The following ARHGAP15 variants were observed in gnomAD, a reference collection of about 807,000 sequenced individuals.
ARHGAP15 encodes the protein rho GTPase-activating protein 15.
In ARHGAP15, 51 loss-of-function variants were observed where a neutral mutation model predicts 63.7. The observed-to-expected ratio is 0.80, with a 90% CI of 0.64 to 1.01. The LOEUF (loss-of-function observed/expected upper bound fraction) is 1.01, where lower values mean the gene tolerates loss of function less well. ARHGAP15 is among the 50% of genes least tolerant of loss of function. The pLI is 0.00. For synonymous variants in ARHGAP15, 191 were observed against 193.8 expected (o/e 0.99, Z 0.12); for missense variants, 560 against 564.6 (o/e 0.99, Z 0.08).
At chr2:143,153,873 T>TTCCTCCTCCTCC (rs372991318) in intron 1 of ARHGAP15, among the ~76,000 whole-genome samples, 5 of 46,838 alleles carry the variant, frequency 1.1e-4, no homozygotes, top group Non-Finnish European at 1.5e-4. Flanking sequence ...CCTCCTCCTC[T>TTCCTCCTCCTCC]TCCTCCTCCT....
At chr2:143,417,240 T>C (rs1411412774) in intron 6 of ARHGAP15, among the ~76,000 whole-genome samples, 1 of 152,126 alleles carries the variant, frequency 6.6e-6, no homozygotes, top group Non-Finnish European at 1.5e-5. Flanking sequence ...TTGTCACATT[T>C]TCTAATTGCA....
At chr2:143,763,882 A>T (rs1031706275) in intron 13 of ARHGAP15, among the ~76,000 whole-genome samples, 1 of 150,582 alleles carries the variant, frequency 6.6e-6, no homozygotes, top group African/African-American at 2.4e-5. Context: ...ATATAATACT[A>T]TATCTAACTT....
intron 8 of ARHGAP15, among the ~76,000 whole-genome samples, chr2:143,446,010 T>C (rs1690121212): frequency 1.3e-5 from 2 of 151,930 alleles, no homozygotes; most frequent in African/African-American, 4.8e-5. Context: ...CAAAAGGTTG[T>C]ATGAGATTGT....
intron 8 of ARHGAP15, among the ~76,000 whole-genome samples, chr2:143,485,199 C>A (rs1463117529): frequency 6.6e-6 from 1 of 152,110 alleles, no homozygotes; most frequent in Non-Finnish European, 1.5e-5. Flanking sequence ...AGGTTTCAAG[C>A]CCCACATGCA....
intron 6 of ARHGAP15, among the ~76,000 whole-genome samples, chr2:143,365,995 A>G (rs1004002955): frequency 8.5e-5 from 13 of 152,148 alleles, no homozygotes; most frequent in South Asian, 2.1e-4. Context: ...CAGCTCCTAT[A>G]TATTCTAAAA....
chr2:143,333,949 C>CA (rs1361195091), intron 6 of ARHGAP15, among the ~76,000 whole-genome samples: 2 of 152,102 alleles, frequency 1.3e-5, no homozygotes, highest in African/African-American at 4.8e-5. Context: ...AGGGAAAGAA[C>CA]AAAGGCACCA....
At chr2:143,600,224 G>A (rs1270522900) in intron 11 of ARHGAP15, among the ~76,000 whole-genome samples, 1 of 152,028 alleles carries the variant, frequency 6.6e-6, no homozygotes, top group African/African-American at 2.4e-5. Flanking sequence ...ACAGACTTTT[G>A]CATGTTATGC....
chr2:143,149,182 G>C (rs1689714624), intron 1 of ARHGAP15, among the ~76,000 whole-genome samples: 1 of 152,036 alleles, frequency 6.6e-6, no homozygotes, highest in Non-Finnish European at 1.5e-5. Flanking sequence ...AATACATGTA[G>C]AGCAGGGAAT....
intron 11 of ARHGAP15, among the ~76,000 whole-genome samples, chr2:143,596,713 T>C (rs938097064): frequency 6.6e-6 from 1 of 152,154 alleles, no homozygotes; most frequent in Admixed American, 6.6e-5. Flanking sequence ...AGTCAGTGCT[T>C]TAGAATAGTC....
chr2:143,208,343 C>T (rs2105127396), intron 3 of ARHGAP15, among the ~76,000 whole-genome samples: 2 of 152,282 alleles, frequency 1.3e-5, no homozygotes, highest in Middle Eastern at 3.4e-3. Flanking sequence ...AAAATGAAAT[C>T]TGCCATTTTG....
intron 12 of ARHGAP15, among the ~76,000 whole-genome samples, chr2:143,673,513 G>A (rs1363710008): frequency 6.6e-6 from 1 of 151,378 alleles, no homozygotes; most frequent in East Asian, 1.9e-4. Context: ...GGCCAGGCTG[G>A]TCTCGAACCC....
At chr2:143,398,793 G>A (rs1202669327) in intron 6 of ARHGAP15, among the ~76,000 whole-genome samples, 1 of 145,896 alleles carries the variant, frequency 6.9e-6, no homozygotes, top group Non-Finnish European at 1.5e-5. Context: ...TTTTTGAAAT[G>A]GTTTCTGGCA....
At chr2:143,190,596 T>C (rs1370892762) in intron 2 of ARHGAP15, among the ~76,000 whole-genome samples, 2 of 152,132 alleles carry the variant, frequency 1.3e-5, no homozygotes, top group Non-Finnish European at 2.9e-5. Flanking sequence ...CCTTGTTTAA[T>C]TTTGTCTCAT....
intron 13 of ARHGAP15, among the ~76,000 whole-genome samples, chr2:143,756,206 T>C (rs1318905160): frequency 6.6e-6 from 1 of 152,194 alleles, no homozygotes; most frequent in Non-Finnish European, 1.5e-5. Context: ...GAGGAATACT[T>C]TGCATACTGA....
intron 13 of ARHGAP15, among the ~76,000 whole-genome samples, chr2:143,705,760 TAAAG>T (rs976119855): frequency 1.3e-5 from 2 of 151,994 alleles, no homozygotes; most frequent in African/African-American, 4.8e-5. Context: ...AGCTATAAAA[TAAAG>T]AAACTAAGAG....
chr2:143,655,384 T>C (rs562974617), intron 12 of ARHGAP15, among the ~76,000 whole-genome samples: 3 of 147,256 alleles, frequency 2.0e-5, no homozygotes, highest in Non-Finnish European at 4.5e-5. Context: ...TCAGGTAAAC[T>C]TGGGTTTGAA....
chr2:143,566,882 C>T (rs1696247770), intron 11 of ARHGAP15, among the ~76,000 whole-genome samples: 1 of 143,076 alleles, frequency 7.0e-6, no homozygotes, highest in African/African-American at 2.8e-5. Flanking sequence ...TCTAAAACTG[C>T]CTTGCTGCTG....
chr2:143,432,327 A>C (rs918794175), intron 6 of ARHGAP15, among the ~76,000 whole-genome samples: 3 of 152,128 alleles, frequency 2.0e-5, no homozygotes, highest in Non-Finnish European at 4.4e-5. Flanking sequence ...GCCAGAATGA[A>C]TATTGATGAG....
At chr2:143,395,123 T>A (rs1185212237) in intron 6 of ARHGAP15, among the ~76,000 whole-genome samples, 1 of 152,158 alleles carries the variant, frequency 6.6e-6, no homozygotes, top group Non-Finnish European at 1.5e-5. Flanking sequence ...ATAATAATTT[T>A]AAAAATGATA....
Sources: allele counts gnomAD v4.1 joint callset (sites outside exome capture counted in the v4.1 genomes callset), GRCh38; gene constraint gnomAD v4.1.1; transcripts MANE v1.5; gene names NCBI Gene and HGNC (gene_info 2026-07-23, HGNC 2026-07-21).